The following RGPD8 variants were observed in gnomAD, a reference collection of about 807,000 sequenced individuals.
RGPD8 encodes RANBP2 like and GRIP domain containing 8.
A neutral mutation model predicts 89.1 loss-of-function variants in RGPD8; 15 were observed. The observed-to-expected ratio is 0.17, with a 90% confidence interval of 0.11 to 0.26. RGPD8 has a LOEUF of 0.26. RGPD8 is among the 10% of genes least tolerant of loss of function. The pLI, the probability that RGPD8 is intolerant of heterozygous loss-of-function variation, is 1.00. For synonymous variants in RGPD8, 62 were observed against 420.9 expected (o/e 0.15, Z 10.44); for missense variants, 178 against 1,179.6 (o/e 0.15, Z 12.44).
chr2:112,432,986 G>A (rs1337784047), intron 1 of RGPD8, among the ~76,000 whole-genome samples: 6 of 94,740 alleles, frequency 6.3e-5, no homozygotes, highest in Non-Finnish European at 1.6e-4. Flanking sequence ...CGCCTCAACA[G>A]AGCGCGCCAG....
At chr2:112,409,852 C>T (rs1191834732) in intron 7 of RGPD8, among the ~76,000 whole-genome samples, 1 of 135,290 alleles carries the variant, frequency 7.4e-6, no homozygotes, top group Non-Finnish European at 1.5e-5. Flanking sequence ...CAGCTCACAC[C>T]TATAATCCCA....
chr2:112,425,497 C>T (rs1679732062), intron 1 of RGPD8, among the ~76,000 whole-genome samples: 1 of 152,060 alleles, frequency 6.6e-6, no homozygotes, highest in Admixed American at 6.6e-5. Context: ...CGGTGGCTCA[C>T]ACCTGTAATC....
intron 22 of RGPD8, among the ~76,000 whole-genome samples, chr2:112,374,779 T>C (rs997507871): frequency 7.0e-6 from 1 of 143,386 alleles, no homozygotes; most frequent in Admixed American, 7.0e-5. Flanking sequence ...ATGTTTGATG[T>C]CTTTTCCCAC....
chr2:112,428,966 T>C (rs1574026981), intron 1 of RGPD8, among the ~76,000 whole-genome samples: 1 of 152,010 alleles, frequency 6.6e-6, no homozygotes, highest in Non-Finnish European at 1.5e-5. Context: ...AACAAAAAAC[T>C]GCACAACAAG....
intron 1 of RGPD8, among the ~76,000 whole-genome samples, chr2:112,428,363 G>C (rs1197090833): frequency 6.7e-6 from 1 of 150,138 alleles, no homozygotes; most frequent in East Asian, 1.9e-4. Flanking sequence ...AGAATCACTT[G>C]AACCTGGGAG....
At chr2:112,382,013 C>T (rs577847392) in intron 20 of RGPD8, among the ~76,000 whole-genome samples, 13 of 152,232 alleles carry the variant, frequency 8.5e-5, no homozygotes, top group Non-Finnish European at 1.8e-4. Flanking sequence ...GCAGACCCAC[C>T]CTTAATCTGG....
Position 112,376,522 on chromosome 2 carries a change from AAAC to A in RGPD8, c.5263+1528_5263+1530del, listed in dbSNP as rs1678119668. Among the ~76,000 whole-genome samples, 2 of 112,738 alleles carry A rather than the reference AAAC, an allele frequency of 1.8e-5. 1 individual carries two copies. The highest frequency in any genetic ancestry group is 3.9e-5 in the Non-Finnish European group (2 of 51,878). 74.0% of individuals were successfully genotyped at this position (112,738 alleles called of 152,430 possible). A position where few individuals can be genotyped will look rare whatever the true frequency, so the allele number is the denominator to read the frequency against. ...ATATATATAATTGTTATAGATAAAA[AAAC>A]AACAAAATGACTGGGCGTGGTGGCT... is the stretch of plus-strand genomic sequence containing the variant. On this transcript the variant is annotated intron_variant, in intron 22 of 22. Transcript: ENST00000302558.
intron 1 of RGPD8, chr2:112,432,716 G>C (rs942166872): frequency 6.1e-5 from 60 of 985,050 alleles, no homozygotes; most frequent in Non-Finnish European, 6.7e-5. Flanking sequence ...CGGGTACTAC[G>C]GGGCCAGAAA....
chr2:112,433,347 G>A (rs753512547), intron 1 of RGPD8, 35 bp downstream of exon 1: 25 of 1,554,876 alleles, frequency 1.6e-5, no homozygotes, highest in South Asian at 3.5e-5. Context: ...CGCCCGGCCG[G>A]GTCGAGGCCG....
intron 22 of RGPD8, among the ~76,000 whole-genome samples, chr2:112,370,880 A>G (rs1301238991): frequency 1.3e-5 from 2 of 151,824 alleles, no homozygotes; most frequent in African/African-American, 4.8e-5. Flanking sequence ...TCTACAAACA[A>G]TCTTACCAGC....
At position 112,399,321 on chromosome 2, in the gene RGPD8, CAGGAGAA is replaced by C; in HGVS notation, c.2097_2103del (p.Ser700LysfsTer10). The C allele has an allele frequency of 6.5e-6, 1 of 154,776 alleles. No individual in the cohort carries two copies. The highest frequency in any genetic ancestry group is 1.1e-5 in the Non-Finnish European group (1 of 92,472). 9.6% of individuals were successfully genotyped at this position (154,776 alleles called of 1,614,324 possible). On this transcript the variant is annotated frameshift_variant, in exon 15 of 23. Coordinates refer to ENST00000302558, the MANE Select transcript of RGPD8 (RefSeq NM_001164463.1). LOFTEE classifies it high-confidence loss of function. Reference sequence around the variant, plus strand: ...TAATTTCTGCATTCTTCTTGTTCTTCAGGAGAAAGGGCATCATTTTCAATGTCTTCTG... The same window carrying C: ...TAATTTCTGCATTCTTCTTGTTCTTCAGGGCATCATTTTCAATGTCTTCTG...
At chr2:112,413,311 G>A (rs1679260196) in intron 6 of RGPD8, among the ~76,000 whole-genome samples, 1 of 112,620 alleles carries the variant, frequency 8.9e-6, no homozygotes, top group Non-Finnish European at 1.7e-5. Flanking sequence ...TTTTAGTAGA[G>A]ACAGGGTTTC....
At chr2:112,431,883 G>T (rs1425750198) in intron 1 of RGPD8, among the ~76,000 whole-genome samples, 1 of 152,154 alleles carries the variant, frequency 6.6e-6, no homozygotes, top group African/African-American at 2.4e-5. Flanking sequence ...CAGGCAATCC[G>T]CCCTCCTCGG....
intron 4 of RGPD8, among the ~76,000 whole-genome samples, chr2:112,420,118 C>G (rs1289817798): frequency 1.4e-5 from 2 of 139,380 alleles, no homozygotes; most frequent in African/African-American, 5.5e-5. Flanking sequence ...TGCAGTGAGC[C>G]GAGGTAGCAC....
rs761153934 is a variant in RGPD8, at chr2:112,390,111, C to G, written c.2834G>C (p.Gly945Ala). 6.2e-7 allele frequency: 1 copy of G among 1,604,208 alleles called. No individual in the cohort carries two copies. Among genetic ancestry groups the G allele is most frequent in the Non-Finnish European group, 8.5e-7 (1 of 1,176,192 alleles). ...KREKPLENDTGLQAQDIRGRK... is the reference protein window; with the variant it reads ...KREKPLENDTALQAQDIRGRK... ...GCCCCTAATATCCTGAGCCTGTAAG[C>G]CAGTATCATTTTCAAGAGGCTTTTC... is the stretch of plus-strand genomic sequence containing the variant. The change falls in exon 20 of 23, where the codon GGC becomes GCC. Residue 945 changes from glycine (G) to alanine (A), a missense_variant. By Grantham distance (60) the Gly-to-Ala change is moderately conservative. Transcript: ENST00000302558.
intron 22 of RGPD8, among the ~76,000 whole-genome samples, chr2:112,377,377 C>T (rs1411366543): frequency 9.4e-6 from 1 of 106,942 alleles, no homozygotes; most frequent in African/African-American, 3.0e-5. Context: ...CTCGTGAGTT[C>T]AAGCGACTCT....
At chr2:112,408,562 G>GA in intron 7 of RGPD8, among the ~76,000 whole-genome samples, 2 of 147,742 alleles carry the variant, frequency 1.4e-5, no homozygotes, top group Non-Finnish European at 3.0e-5. Flanking sequence ...TTTTCAAACT[G>GA]ACCTCAATTC....
At chr2:112,411,035 G>C (rs1427810249) in intron 7 of RGPD8, among the ~76,000 whole-genome samples, 1 of 152,140 alleles carries the variant, frequency 6.6e-6, no homozygotes. Context: ...CAGTGAGCCA[G>C]ATGGCGCCAT....
At chr2:112,430,656 T>C (rs1679988378) in intron 1 of RGPD8, among the ~76,000 whole-genome samples, 1 of 152,006 alleles carries the variant, frequency 6.6e-6, no homozygotes, top group African/African-American at 2.4e-5. Context: ...TTTTTTTTTT[T>C]TTAAGCTTGT....
Sources: allele counts gnomAD v4.1 joint callset (sites outside exome capture counted in the v4.1 genomes callset), GRCh38; gene constraint gnomAD v4.1.1; transcripts MANE v1.5; gene names NCBI Gene and HGNC (gene_info 2026-07-23, HGNC 2026-07-21).